The following CTNND2 variants were observed in gnomAD, a reference collection of about 807,000 sequenced individuals.
The protein encoded by CTNND2 is catenin delta-2.
CTNND2 carries 22 observed loss-of-function variants against 144.4 expected under a neutral mutation model. The ratio of observed to expected loss-of-function variants is 0.15; its 90% CI spans 0.11 to 0.22. CTNND2 has a LOEUF of 0.22. Ranked by LOEUF, CTNND2 falls within the 10% of genes least tolerant of loss-of-function variation. The probability of loss-of-function intolerance (pLI) is 1.00; values close to 1 mark genes in which losing one functional copy is unlikely to be tolerated. For synonymous variants in CTNND2, 751 were observed against 695.6 expected (o/e 1.08, Z -1.25); for missense variants, 1,353 against 1,618.8 (o/e 0.84, Z 2.82).
chr5:11,387,334 G>A (rs1376817868), intron 6 of CTNND2, among the ~76,000 whole-genome samples: 1 of 152,058 alleles, frequency 6.6e-6, no homozygotes, highest in Non-Finnish European at 1.5e-5. Flanking sequence ...GAGGGATCTG[G>A]GTTTTAACCA....
chr5:11,001,010 G>A (rs2149512822), intron 18 of CTNND2, among the ~76,000 whole-genome samples: 1 of 152,288 alleles, frequency 6.6e-6, no homozygotes, highest in Admixed American at 6.5e-5. Context: ...AATCCCAGGA[G>A]GCCCTTCAGT....
chr5:11,874,401 T>C (rs866214773), intron 1 of CTNND2, among the ~76,000 whole-genome samples: 5 of 152,278 alleles, frequency 3.3e-5, no homozygotes, highest in Middle Eastern at 3.4e-3. Flanking sequence ...GTGAAATTTA[T>C]AGTTAGGCAC....
In CTNND2 at chr5:11,159,694, C is replaced by G. The variant is rs762183790; in HGVS notation, c.2041G>C (p.Val681Leu). The change falls in exon 12 of 22, where the codon GTA (valine) becomes CTA (leucine). Residue 681 changes from valine to leucine, a missense_variant. Val to Leu is a conservative substitution (Grantham distance 32). Around this residue, in one of 4 missense-constraint regions of CTNND2, gnomAD observed 117 missense variants for 117.8 expected, o/e 0.99. Coordinates refer to ENST00000304623, the MANE Select transcript of CTNND2 (RefSeq NM_001332.4). ...GGGATAATCACCGCGTTGGTCAGTA[C>G]TGCTAGGGCATCCTGGATGATTGGC... ...KMPIIQDALAVLTNAVIIPHS... is the reference protein window; with the variant it reads ...KMPIIQDALALLTNAVIIPHS... The G allele has an allele frequency of 6.2e-7, 1 of 1,612,494 alleles. No individual in the cohort carries two copies.
chr5:11,020,608 G>A (rs758488495), intron 17 of CTNND2, among the ~76,000 whole-genome samples: 7 of 152,144 alleles, frequency 4.6e-5, no homozygotes, highest in African/African-American at 7.2e-5. Context: ...CAAATTTGGA[G>A]CAATTCTCCT....
At chr5:11,533,874 G>T (rs1281337517) in intron 3 of CTNND2, among the ~76,000 whole-genome samples, 1 of 152,184 alleles carries the variant, frequency 6.6e-6, no homozygotes, top group Admixed American at 6.5e-5. Flanking sequence ...ACTTTGAGAT[G>T]CCAGGGCTTA....
intron 1 of CTNND2, among the ~76,000 whole-genome samples, chr5:11,827,879 G>T (rs575338502): frequency 1.5e-4 from 23 of 152,232 alleles, no homozygotes; most frequent in Admixed American, 1.5e-3. Flanking sequence ...ATAAGATTTT[G>T]CAAAATATAG....
chr5:11,120,225 T>C (rs1753947305), intron 12 of CTNND2, among the ~76,000 whole-genome samples: 2 of 151,982 alleles, frequency 1.3e-5, no homozygotes, highest in Non-Finnish European at 2.9e-5. Flanking sequence ...ACAGCACCTA[T>C]GATATAGACT....
chr5:11,265,698 ATTTTTTTT>A lies in CTNND2; in HGVS notation c.1629-28883_1629-28876del, dbSNP rs5865929. ...CTCAGCATCACTGTATGTATTCTCT[ATTTTTTTT>A]TTTTTTTTTTTTTTTTTGAGATGGA... On this transcript the variant is annotated intron_variant, in intron 9 of 21. Coordinates refer to ENST00000304623, the MANE Select transcript of CTNND2 (RefSeq NM_001332.4). 4.2e-3 allele frequency among the ~76,000 whole-genome samples: 328 copies of A among 77,432 alleles called. 1 individual carries two copies. Among genetic ancestry groups the A allele is most frequent in the Non-Finnish European group, 6.4e-3 (275 of 42,706 alleles). The allele number at this position is 77,432 out of a possible 152,430, so 50.8% of individuals were successfully genotyped here.
chr5:11,003,697 T>G (rs2149515783), intron 18 of CTNND2, among the ~76,000 whole-genome samples: 1 of 152,358 alleles, frequency 6.6e-6, no homozygotes, highest in East Asian at 1.9e-4. Flanking sequence ...GTAAACTGTT[T>G]GTTAAAGATT....
At chr5:11,008,873 C>T (rs1237643858) in intron 18 of CTNND2, among the ~76,000 whole-genome samples, 1 of 152,112 alleles carries the variant, frequency 6.6e-6, no homozygotes, top group Non-Finnish European at 1.5e-5. Flanking sequence ...CCATGAGCTC[C>T]CTGAAGTTTG....
chr5:11,846,923 T>C (rs1015199386), intron 1 of CTNND2, among the ~76,000 whole-genome samples: 1 of 151,664 alleles, frequency 6.6e-6, no homozygotes, highest in African/African-American at 2.4e-5. Context: ...GAATGGCTAT[T>C]ATCAGAAAGA....
chr5:11,517,227 T>G (rs1772247956), intron 3 of CTNND2, among the ~76,000 whole-genome samples: 1 of 152,212 alleles, frequency 6.6e-6, no homozygotes, highest in South Asian at 2.1e-4. Flanking sequence ...TAATTTGGCC[T>G]TCCATAACTT....
intron 14 of CTNND2, among the ~76,000 whole-genome samples, chr5:11,100,726 A>G (rs2149669493): frequency 6.6e-6 from 1 of 152,366 alleles, no homozygotes; most frequent in African/African-American, 2.4e-5. Context: ...AAAATGGATA[A>G]AATTCAGAAA....
At chr5:11,514,855 T>A (rs1188231819) in intron 3 of CTNND2, among the ~76,000 whole-genome samples, 1 of 152,148 alleles carries the variant, frequency 6.6e-6, no homozygotes, top group East Asian at 1.9e-4. Context: ...CAAGATGGAG[T>A]GCAGTGGTGC....
chr5:11,391,581 A>G (rs154754), intron 6 of CTNND2, among the ~76,000 whole-genome samples: 55,850 of 152,102 alleles, frequency 0.37, 11,337 homozygotes, highest in East Asian at 0.57. Flanking sequence ...TTTCTTTTCA[A>G]ATCGTCTTCC....
In CTNND2 at chr5:10,973,521, C is replaced by A. The variant is rs1736050990; in HGVS notation, c.3610G>T (p.Ala1204Ser). The A allele has an allele frequency of 6.2e-7, 1 of 1,613,368 alleles. No homozygotes were observed. The highest frequency in any genetic ancestry group is 1.7e-5 in the Admixed American group (1 of 59,922). The change falls in exon 22 of 22, where the codon GCC becomes TCC. Residue 1204 changes from alanine to serine, a missense_variant. Coordinates refer to ENST00000304623, the MANE Select transcript of CTNND2 (RefSeq NM_001332.4). This position sits in a 1 kb window ranked among gnomAD's most constrained non-coding sequence, Gnocchi z 5.6. ...TGNYVDFYSA[A>S]RPYSELNYET... ...TAGTTCAGTTCACTGTAGGGACGGG[C>A]AGCTGAGTAGAAGTCAACGTAGTTG...
At chr5:10,985,075 A>AAAATAAAT (rs10599114) in intron 20 of CTNND2, among the ~76,000 whole-genome samples, 1,496 of 148,046 alleles carry the variant, frequency 0.01, 16 homozygotes, top group Non-Finnish European at 0.015. Context: ...CTCCGTCTCA[A>AAAATAAAT]AAATAAATAA....
chr5:11,462,729 G>A (rs1199632320), intron 3 of CTNND2, among the ~76,000 whole-genome samples: 1 of 152,068 alleles, frequency 6.6e-6, no homozygotes, highest in Non-Finnish European at 1.5e-5. Context: ...GTTATGTGCT[G>A]TTGTTGTTGT....
intron 2 of CTNND2, among the ~76,000 whole-genome samples, chr5:11,632,895 C>T (rs973967205): frequency 3.9e-5 from 6 of 152,016 alleles, no homozygotes; most frequent in African/African-American, 1.5e-4. Flanking sequence ...TAAAGTTAAG[C>T]TGGAAGAAGA....
Sources: allele counts gnomAD v4.1 joint callset (sites outside exome capture counted in the v4.1 genomes callset), GRCh38; gene constraint gnomAD v4.1.1; regional missense constraint gnomAD v4.1.1; non-coding constraint Gnocchi (gnomAD v3.1); transcripts MANE v1.5; gene names NCBI Gene and HGNC (gene_info 2026-07-23, HGNC 2026-07-21).